Variants in UNC13C observed in about 807,000 individuals in gnomAD.
The protein encoded by UNC13C is unc-13 homolog C.
UNC13C carries 174 observed loss-of-function variants against 245.4 expected under a neutral mutation model. The observed-to-expected ratio is 0.71, with a 90% CI of 0.63 to 0.80. UNC13C has a LOEUF of 0.80. UNC13C is among the 30% of genes least tolerant of loss of function. The pLI, the probability that UNC13C is intolerant of heterozygous loss-of-function variation, is 0.00. For synonymous variants in UNC13C, 992 were observed against 895.1 expected, an observed-to-expected ratio of 1.11 and a Z score of -1.93; for missense variants, 2,829 against 2,602.9, an observed-to-expected ratio of 1.09 and a Z score of -1.89.
intron 29 of UNC13C, among the ~76,000 whole-genome samples, chr15:54,558,146 A>G (rs1897164441): frequency 6.6e-6 from 1 of 152,060 alleles, no homozygotes; most frequent in African/African-American, 2.4e-5. Context: ...AGATATACCT[A>G]ATGCTAGATG....
intron 19 of UNC13C, among the ~76,000 whole-genome samples, chr15:54,429,816 T>C (rs1209864602): frequency 1.3e-5 from 2 of 151,700 alleles, no homozygotes; most frequent in African/African-American, 2.4e-5. Context: ...AGGAGAACTA[T>C]GTCAATCACT....
intron 29 of UNC13C, among the ~76,000 whole-genome samples, chr15:54,556,137 CA>C (rs1163054521): frequency 6.6e-6 from 1 of 151,818 alleles, no homozygotes; most frequent in African/African-American, 2.4e-5. Context: ...TATTTATATC[CA>C]TATATATTTA....
the UNC13C span, among the ~76,000 whole-genome samples, chr15:53,922,423 A>G: frequency 1.3e-5 from 2 of 152,214 alleles, no homozygotes; most frequent in South Asian, 4.1e-4. Context: ...TAATTTTACA[A>G]ATGAAGAAAC....
At chr15:54,369,571 C>A (rs938670814) in intron 17 of UNC13C, among the ~76,000 whole-genome samples, 1 of 152,000 alleles carries the variant, frequency 6.6e-6, no homozygotes, top group African/African-American at 2.4e-5. Flanking sequence ...ATACTATCTG[C>A]TATAAAATTA....
the UNC13C span, among the ~76,000 whole-genome samples, chr15:53,896,947 ACTT>A: frequency 2.6e-5 from 4 of 152,114 alleles, no homozygotes; most frequent in Non-Finnish European, 5.9e-5. Flanking sequence ...AGAAAAATAA[ACTT>A]CTATTTGGGA....
At chr15:54,141,636 A>G (rs190324492) in intron 2 of UNC13C, among the ~76,000 whole-genome samples, 3 of 152,222 alleles carry the variant, frequency 2.0e-5, no homozygotes, top group Middle Eastern at 3.4e-3. Context: ...ATATTAGATT[A>G]GTCATATCAT....
chr15:53,849,069 ATATT>A, the UNC13C span, among the ~76,000 whole-genome samples: 1 of 151,902 alleles, frequency 6.6e-6, no homozygotes, highest in South Asian at 2.1e-4. Flanking sequence ...ATGTAGATTT[ATATT>A]TAAAGTGAAT....
intron 17 of UNC13C, among the ~76,000 whole-genome samples, chr15:54,372,727 T>C (rs1335365880): frequency 6.6e-6 from 1 of 152,190 alleles, no homozygotes; most frequent in East Asian, 1.9e-4. Flanking sequence ...TCCCTGAAAA[T>C]AGATTCTGAG....
intron 19 of UNC13C, among the ~76,000 whole-genome samples, chr15:54,425,699 A>G (rs2040745342): frequency 6.6e-6 from 1 of 151,882 alleles, no homozygotes; most frequent in Admixed American, 6.6e-5. Context: ...AGGTTCAGAG[A>G]AGAATGACTA....
the UNC13C span, among the ~76,000 whole-genome samples, chr15:53,872,645 A>C: frequency 6.6e-6 from 1 of 152,118 alleles, no homozygotes; most frequent in African/African-American, 2.4e-5. Flanking sequence ...TGTGTCTTAC[A>C]ATCTACCCAC....
intron 2 of UNC13C, chr15:54,048,473 A>G (rs1282276796): frequency 4.9e-6 from 3 of 608,546 alleles, no homozygotes; most frequent in Non-Finnish European, 9.5e-6. Context: ...GCCAGCCTGA[A>G]GAAGTGCTAT....
the UNC13C span, among the ~76,000 whole-genome samples, chr15:53,902,471 A>G: frequency 6.6e-6 from 1 of 152,240 alleles, no homozygotes; most frequent in Non-Finnish European, 1.5e-5. Context: ...TAAGGACTTA[A>G]CATAAATAGT....
At position 54,352,809 on chromosome 15, in the gene UNC13C, G is replaced by A. The variant is rs1038260577; in HGVS notation, c.4713+14320G>A. 7.2e-5 allele frequency among the ~76,000 whole-genome samples: 11 copies of A among 151,858 alleles called. 1 individual carries two copies. In the South Asian group the frequency reaches 1.0e-3, roughly 14 times the overall value. Reference sequence around the variant, plus strand: ...GTCCCTTTCTTTATTTCCATGATGCGTTTTATTTTCCTTAAATATGCTATA... The same window carrying A: ...GTCCCTTTCTTTATTTCCATGATGCATTTTATTTTCCTTAAATATGCTATA... On this transcript the variant is annotated intron_variant, in intron 17 of 32. Coordinates refer to ENST00000260323, the MANE Select transcript of UNC13C (RefSeq NM_001080534.3).
intron 24 of UNC13C, 57 bp downstream of exon 24, chr15:54,511,887 A>C: frequency 1.6e-6 from 2 of 1,236,824 alleles, no homozygotes; most frequent in Non-Finnish European, 2.3e-6. Flanking sequence ...TATTAGCAGC[A>C]TATCTCTTGC....
chr15:53,839,369 A>G, the UNC13C span, among the ~76,000 whole-genome samples: 1 of 152,098 alleles, frequency 6.6e-6, no homozygotes, highest in African/African-American at 2.4e-5. Flanking sequence ...CTTCAACCCT[A>G]TATAGAATTA....
chr15:54,333,267 C>CT (rs2038487684), intron 15 of UNC13C, among the ~76,000 whole-genome samples: 1 of 151,858 alleles, frequency 6.6e-6, no homozygotes, highest in African/African-American at 2.4e-5. Flanking sequence ...TAAAAGAAAC[C>CT]TTTTTTTAAA....
intron 30 of UNC13C, among the ~76,000 whole-genome samples, chr15:54,576,011 A>C (rs1349344266): frequency 3.3e-5 from 5 of 152,190 alleles, no homozygotes; most frequent in African/African-American, 1.2e-4. Context: ...CTGTGATATG[A>C]TTCTAAGGAT....
intron 26 of UNC13C, among the ~76,000 whole-genome samples, chr15:54,537,654 G>T (rs920508342): frequency 6.6e-6 from 1 of 151,906 alleles, no homozygotes; most frequent in Non-Finnish European, 1.5e-5. Flanking sequence ...CAATGAAACA[G>T]ATTAGAGAAC....
chr15:54,471,125 AT>A (rs1355403158), intron 19 of UNC13C, among the ~76,000 whole-genome samples: 2 of 151,558 alleles, frequency 1.3e-5, no homozygotes, highest in Non-Finnish European at 3.0e-5. Context: ...GTGGCCTAAT[AT>A]TTGATCTATC....
Sources: gnomAD v4.1 joint callset for allele counts (sites outside exome capture counted in the v4.1 genomes callset) on GRCh38, gnomAD v4.1.1 for gene constraint, MANE v1.5 for transcripts, NCBI Gene and HGNC (gene_info 2026-07-23, HGNC 2026-07-21) for gene names.